Variants in RUNDC3B observed in about 807,000 individuals in gnomAD.
The protein encoded by RUNDC3B is RUN domain containing 3B, also known as RUN domain-containing protein 3B.
RUNDC3B carries 33 observed loss-of-function variants against 58.4 expected under a neutral mutation model. The observed-to-expected ratio is 0.56, with a 90% CI of 0.43 to 0.75. RUNDC3B has a LOEUF of 0.75. Ranked by LOEUF, RUNDC3B falls within the 30% of genes least tolerant of loss-of-function variation. The pLI is 0.00. For synonymous variants in RUNDC3B, 193 were observed against 195.2 expected, an observed-to-expected ratio of 0.99 and a Z score of 0.10; for missense variants, 501 against 535.7, an observed-to-expected ratio of 0.94 and a Z score of 0.64.
intron 8 of RUNDC3B, among the ~76,000 whole-genome samples, chr7:87,795,547 A>C (rs547120475): frequency 6.6e-6 from 1 of 152,266 alleles, no homozygotes; most frequent in African/African-American, 2.4e-5. Context: ...AAATTAGTAC[A>C]ACCACTATGA....
At chr7:87,786,158 T>C (rs181851910) in intron 8 of RUNDC3B, among the ~76,000 whole-genome samples, 1 of 152,276 alleles carries the variant, frequency 6.6e-6, no homozygotes, top group Non-Finnish European at 1.5e-5. Context: ...TATATCTAAT[T>C]GGCCATCTTG....
chr7:87,746,227 T>A (rs1394517178), intron 6 of RUNDC3B, among the ~76,000 whole-genome samples: 2 of 152,208 alleles, frequency 1.3e-5, no homozygotes, highest in Non-Finnish European at 2.9e-5. Context: ...TATCATATGG[T>A]CTATCTTGGA....
intron 4 of RUNDC3B, among the ~76,000 whole-genome samples, chr7:87,739,393 G>A (rs1008562625): frequency 6.6e-6 from 1 of 151,948 alleles, no homozygotes; most frequent in African/African-American, 2.4e-5. Flanking sequence ...TAGAACTCAA[G>A]TCTACTTCAT....
chr7:87,741,563 T>C lies in RUNDC3B; in HGVS notation c.613T>C (p.Leu205=). 2 of 1,570,276 alleles carry C rather than the reference T, an allele frequency of 1.3e-6. No individual in the cohort carries two copies. The highest frequency in any genetic ancestry group is 8.7e-7 in the Non-Finnish European group (1 of 1,146,444). ...FPAVIDYTPY[L]KYIQSSDSIS... ...TGCTGTAATAGACTATACACCATAT[T>C]TGAAGTATATCCAAAGGTATGTGAC... The change falls in exon 6 of 11, where the codon TTG becomes CTG. Residue 205 remains leucine (L), a synonymous_variant. Transcript: ENST00000394654.
At chr7:87,749,415 A>G (rs980063653) in intron 6 of RUNDC3B, among the ~76,000 whole-genome samples, 4 of 152,164 alleles carry the variant, frequency 2.6e-5, no homozygotes, top group African/African-American at 9.7e-5. Context: ...TTCTTTATAA[A>G]ATGAAGAATT....
At chr7:87,769,911 A>C (rs894988173) in intron 6 of RUNDC3B, among the ~76,000 whole-genome samples, 5 of 151,900 alleles carry the variant, frequency 3.3e-5, no homozygotes, top group African/African-American at 1.2e-4. Flanking sequence ...GCACATTTTT[A>C]TCTCTATTGA....
chr7:87,708,065 G>A (rs1001429864), intron 3 of RUNDC3B, among the ~76,000 whole-genome samples: 4 of 151,944 alleles, frequency 2.6e-5, no homozygotes, highest in Non-Finnish European at 5.9e-5. Context: ...AAGAATAGAG[G>A]CTGGAAATTG....
intron 7 of RUNDC3B, among the ~76,000 whole-genome samples, chr7:87,772,213 A>G (rs543779772): frequency 6.6e-6 from 1 of 152,210 alleles, no homozygotes; most frequent in African/African-American, 2.4e-5. Context: ...GTAAATTTAT[A>G]TAATTTAATG....
chr7:87,723,788 CAT>C (rs1831046193), intron 4 of RUNDC3B, among the ~76,000 whole-genome samples: 1 of 151,426 alleles, frequency 6.6e-6, no homozygotes, highest in Non-Finnish European at 1.5e-5. Context: ...GTTATAAACA[CAT>C]AGTTAAGAGC....
chr7:87,629,920 CAAAA>C (rs202130650), intron 1 of RUNDC3B, among the ~76,000 whole-genome samples: 3 of 112,688 alleles, frequency 2.7e-5, no homozygotes, highest in African/African-American at 6.1e-5. Context: ...GAGACTTCGT[CAAAA>C]AAAAAAAAAA....
chr7:87,723,997 G>C (rs1831061694), intron 4 of RUNDC3B, among the ~76,000 whole-genome samples: 1 of 152,126 alleles, frequency 6.6e-6, no homozygotes, highest in African/African-American at 2.4e-5. Flanking sequence ...TGAAGCAGGA[G>C]AACCATTTGA....
chr7:87,725,079 A>G (rs1444284870), intron 4 of RUNDC3B, among the ~76,000 whole-genome samples: 19 of 152,140 alleles, frequency 1.2e-4, no homozygotes. Context: ...AAATATTTAT[A>G]CTAATTTTAA....
rs1451652692 is a variant in RUNDC3B, at chr7:87,722,599, A to C, written c.458+11944A>C. Reference sequence around the variant, plus strand: ...AGGGAAGAATGTGCAACAGAAAGTAAGGAGATTACCATAATTCCTTTGACG... The same window carrying C: ...AGGGAAGAATGTGCAACAGAAAGTACGGAGATTACCATAATTCCTTTGACG... On this transcript the variant is annotated intron_variant, in intron 4 of 10. Coordinates refer to ENST00000394654, the MANE Select transcript of RUNDC3B (RefSeq NM_001134405.2). Among the ~76,000 whole-genome samples the C allele has an allele frequency of 2.6e-5, 4 of 152,298 alleles. No homozygotes were observed. In the East Asian group the frequency reaches 7.7e-4, roughly 29 times the overall value.
intron 2 of RUNDC3B, among the ~76,000 whole-genome samples, chr7:87,677,669 A>G (rs914992188): frequency 2.0e-5 from 3 of 152,218 alleles, no homozygotes; most frequent in African/African-American, 4.8e-5. Flanking sequence ...ACAAAAATCC[A>G]AAACAGAACA....
intron 10 of RUNDC3B, among the ~76,000 whole-genome samples, chr7:87,825,073 T>A (rs1837723867): frequency 6.6e-6 from 1 of 151,532 alleles, no homozygotes; most frequent in Non-Finnish European, 1.5e-5. Context: ...CAAAAAAAAA[T>A]TAGCTGGGCA....
At chr7:87,669,306 T>C (rs115977471) in intron 2 of RUNDC3B, among the ~76,000 whole-genome samples, 129 of 152,340 alleles carry the variant, frequency 8.5e-4, no homozygotes, top group African/African-American at 3.0e-3. Context: ...TCCCTTCTTT[T>C]TTCTGTTTTC....
At chr7:87,763,891 C>A (rs997346036) in intron 6 of RUNDC3B, among the ~76,000 whole-genome samples, 3 of 151,624 alleles carry the variant, frequency 2.0e-5, no homozygotes, top group Non-Finnish European at 4.4e-5. Flanking sequence ...TTGCAACATG[C>A]GTAGATGCCA....
intron 1 of RUNDC3B, among the ~76,000 whole-genome samples, chr7:87,630,144 C>CA (rs1821066294): frequency 6.6e-6 from 1 of 152,154 alleles, no homozygotes; most frequent in East Asian, 1.9e-4. Context: ...TCTTAAGAAT[C>CA]AGATGATGAT....
At chr7:87,829,024 TG>T (rs1837989215) in intron 10 of RUNDC3B, among the ~76,000 whole-genome samples, 1 of 152,194 alleles carries the variant, frequency 6.6e-6, no homozygotes, top group Non-Finnish European at 1.5e-5. Context: ...GTGACTGGTG[TG>T]AGATGGTATC....
Sources: allele counts gnomAD v4.1 joint callset (sites outside exome capture counted in the v4.1 genomes callset), GRCh38; gene constraint gnomAD v4.1.1; transcripts MANE v1.5; gene names NCBI Gene and HGNC (gene_info 2026-07-23, HGNC 2026-07-21).